KIAA0825: variants seen among roughly 807,000 people sequenced by gnomAD.
KIAA0825 encodes KIAA0825.
Under a neutral mutation model 147.6 loss-of-function variants are expected in KIAA0825, and 119 were observed. The observed-to-expected ratio is 0.81, with a 90% confidence interval of 0.69 to 0.94. The LOEUF (loss-of-function observed/expected upper bound fraction) is 0.94. KIAA0825 is among the 40% of genes least tolerant of loss of function. The pLI, the probability that KIAA0825 is intolerant of heterozygous loss-of-function variation, is 0.00. For missense variants in KIAA0825, 1,381 were observed against 1,472.7 expected (o/e 0.94, Z 1.02); for synonymous variants, 470 against 518.1 (o/e 0.91, Z 1.26).
intron 20 of KIAA0825, among the ~76,000 whole-genome samples, chr5:94,186,260 G>A (rs758970255): frequency 6.6e-6 from 1 of 152,098 alleles, no homozygotes; most frequent in Non-Finnish European, 1.5e-5. Flanking sequence ...TATAAGTTTA[G>A]TTTATTTTTA....
At chr5:94,459,807 C>T (rs1759580219) in intron 12 of KIAA0825, among the ~76,000 whole-genome samples, 1 of 151,994 alleles carries the variant, frequency 6.6e-6, no homozygotes, top group Non-Finnish European at 1.5e-5. Flanking sequence ...AACATCAAAA[C>T]ATTCGGGTAA....
chr5:94,254,040 T>C (rs1776113489), intron 20 of KIAA0825, among the ~76,000 whole-genome samples: 1 of 152,098 alleles, frequency 6.6e-6, no homozygotes, highest in Non-Finnish European at 1.5e-5. Context: ...GGGCCTTGGG[T>C]TTATTAGCCT....
intron 18 of KIAA0825, among the ~76,000 whole-genome samples, chr5:94,390,070 G>A (rs1749698473): frequency 6.6e-6 from 1 of 152,196 alleles, no homozygotes; most frequent in Non-Finnish European, 1.5e-5. Flanking sequence ...AGAGTTATAT[G>A]AGCTCTATGA....
At chr5:94,223,243 C>A (rs1419120907) in intron 20 of KIAA0825, among the ~76,000 whole-genome samples, 1 of 152,114 alleles carries the variant, frequency 6.6e-6, no homozygotes, top group Non-Finnish European at 1.5e-5. Context: ...GATGGTACTA[C>A]TAATAAAGAA....
chr5:94,192,385 C>T (rs895565029), intron 20 of KIAA0825, among the ~76,000 whole-genome samples: 6 of 152,126 alleles, frequency 3.9e-5, no homozygotes, highest in Non-Finnish European at 7.3e-5. Flanking sequence ...TATTATGGTA[C>T]ATAAAAAGTT....
At chr5:94,441,954 T>G (rs577796783) in intron 13 of KIAA0825, among the ~76,000 whole-genome samples, 2 of 152,314 alleles carry the variant, frequency 1.3e-5, no homozygotes, top group African/African-American at 2.4e-5. Flanking sequence ...ACTTTATTAT[T>G]TCATCAACTA....
chr5:94,595,706 G>T (rs142801123), intron 1 of KIAA0825, among the ~76,000 whole-genome samples: 348 of 152,232 alleles, frequency 2.3e-3, no homozygotes, highest in African/African-American at 8.2e-3. Flanking sequence ...AAACTGTTAT[G>T]CTCTGCTTCC....
intron 2 of KIAA0825, among the ~76,000 whole-genome samples, chr5:94,545,916 C>T (rs1774261055): frequency 6.6e-6 from 1 of 152,120 alleles, no homozygotes; most frequent in Admixed American, 6.5e-5. Context: ...TCTTGAGGTC[C>T]CCAAGTCGAG....
intron 1 of KIAA0825, among the ~76,000 whole-genome samples, chr5:94,605,516 A>G (rs1185738301): frequency 2.0e-5 from 3 of 152,200 alleles, no homozygotes; most frequent in Admixed American, 6.5e-5. Context: ...AAAATCATCA[A>G]AAAAATACTT....
At chr5:94,299,818 C>T (rs1778305769) in intron 20 of KIAA0825, among the ~76,000 whole-genome samples, 2 of 152,038 alleles carry the variant, frequency 1.3e-5, no homozygotes, top group South Asian at 4.1e-4. Context: ...TAGCTAGAGC[C>T]AATAACTATT....
chr5:94,227,160 A>G (rs1190757540), intron 20 of KIAA0825, among the ~76,000 whole-genome samples: 2 of 152,256 alleles, frequency 1.3e-5, no homozygotes, highest in Non-Finnish European at 2.9e-5. Context: ...ATGTCCAACA[A>G]TGATAGACTG....
Position 94,401,443 on chromosome 5 carries a change from G to A in KIAA0825, c.2887+2126C>T, listed in dbSNP as rs372491519. Among the ~76,000 whole-genome samples the A allele has an allele frequency of 2.0e-5, 3 of 152,218 alleles. No individual in the cohort carries two copies. In the South Asian group the frequency reaches 6.2e-4, roughly 32 times the overall value. On this transcript the variant is annotated intron_variant, in intron 16 of 20. Coordinates refer to ENST00000682413, the MANE Select transcript of KIAA0825 (RefSeq NM_001145678.3). ...TGTTAAAGTCACTTGTATGTATTAT[G>A]AGGATTAATTTTGTTACAACCAGAG...
Position 94,484,765 on chromosome 5 carries a change from T to C in KIAA0825, c.1132+4A>G, listed in dbSNP as rs143619655. The C allele has an allele frequency of 7.9e-4, 1,150 of 1,463,196 alleles. 7 individuals are homozygous for C. The African/African-American group carries it at 0.012, about 15-fold the overall frequency. 90.6% of individuals were successfully genotyped at this position (1,463,196 alleles called of 1,614,324 possible). A position where few individuals can be genotyped will look rare whatever the true frequency, so the allele number is the denominator to read the frequency against. The stretch of plus-strand genomic sequence containing the variant: ...TTACAAATTTAAACAAAAGAGGATA[T>C]TACCTGAAGTATCCCTGGTTATCTT... On this transcript the variant is annotated splice_donor_region_variant and intron_variant, in intron 6 of 20. Transcript: ENST00000682413.
intron 20 of KIAA0825, among the ~76,000 whole-genome samples, chr5:94,336,141 G>A (rs529699966): frequency 6.6e-5 from 10 of 152,208 alleles, no homozygotes; most frequent in Middle Eastern, 3.4e-3. Context: ...AGGCTGAGGC[G>A]GGTGGATCAC....
chr5:94,220,177 C>T (rs1773558165), intron 20 of KIAA0825, among the ~76,000 whole-genome samples: 1 of 151,958 alleles, frequency 6.6e-6, no homozygotes, highest in African/African-American at 2.4e-5. Context: ...AAGACTGAAA[C>T]ACACACATTA....
At chr5:94,320,402 A>G (rs1175174675) in intron 20 of KIAA0825, among the ~76,000 whole-genome samples, 2 of 151,460 alleles carry the variant, frequency 1.3e-5, no homozygotes, top group Non-Finnish European at 2.9e-5. Context: ...TTGTCACCCT[A>G]CTCTACCTTC....
intron 15 of KIAA0825, among the ~76,000 whole-genome samples, chr5:94,407,168 T>C (rs764800698): frequency 2.7e-4 from 41 of 152,142 alleles, no homozygotes; most frequent in Admixed American, 6.5e-5. Context: ...GACACAGACA[T>C]GTACAGGACT....
At chr5:94,598,010 C>G (rs920813020) in intron 1 of KIAA0825, among the ~76,000 whole-genome samples, 32 of 152,110 alleles carry the variant, frequency 2.1e-4, no homozygotes, top group Admixed American at 5.2e-4. Context: ...AGGCCTAGGA[C>G]ATTACTGAAC....
At chr5:94,181,346 G>A (rs1769595857) in intron 20 of KIAA0825, among the ~76,000 whole-genome samples, 1 of 152,170 alleles carries the variant, frequency 6.6e-6, no homozygotes, top group South Asian at 2.1e-4. Context: ...AAGTTAGGTA[G>A]TGGTCTGGAA....
Sources: allele counts gnomAD v4.1 joint callset (sites outside exome capture counted in the v4.1 genomes callset), GRCh38; gene constraint gnomAD v4.1.1; transcripts MANE v1.5; gene names NCBI Gene and HGNC (gene_info 2026-07-23, HGNC 2026-07-21).